Variants in CCDC30 observed in about 807,000 individuals in gnomAD.
CCDC30 encodes the protein coiled-coil domain-containing protein 30.
CCDC30 carries 70 observed loss-of-function variants against 100.2 expected under a neutral mutation model. That is an observed-to-expected ratio of 0.70 (90% CI 0.58 to 0.85). CCDC30 has a LOEUF of 0.85. Ranked by LOEUF, CCDC30 falls within the 40% of genes least tolerant of loss-of-function variation. CCDC30 has a pLI of 0.00. For missense variants in CCDC30, 652 were observed against 771.2 expected, an observed-to-expected ratio of 0.85 and a Z score of 1.83; for synonymous variants, 233 against 269.5, an observed-to-expected ratio of 0.86 and a Z score of 1.33.
chr1:42,459,466 TTTTAAACTAAACA>T, upstream of CCDC30: 1 of 810,904 alleles, frequency 1.2e-6, no homozygotes, highest in Non-Finnish European at 1.9e-6. Context: ...CCCTAAGACT[TTTTAAACTAAACA>T]TTTAACTGAA....
intron 6 of CCDC30, among the ~76,000 whole-genome samples, chr1:42,508,414 C>G (rs574284693): frequency 6.6e-6 from 1 of 152,312 alleles, no homozygotes; most frequent in African/African-American, 2.4e-5. Context: ...GGGTAGCCAA[C>G]AGCATGCTTC....
At chr1:42,535,480 A>G (rs1644877233) in intron 6 of CCDC30, among the ~76,000 whole-genome samples, 1 of 150,662 alleles carries the variant, frequency 6.6e-6, no homozygotes, top group Admixed American at 6.7e-5. Flanking sequence ...CCCAAGTTAC[A>G]AAATATAGAT....
intron 8 of CCDC30, among the ~76,000 whole-genome samples, chr1:42,579,547 C>T (rs4540692): frequency 0.25 from 38,504 of 151,524 alleles, 5,492 homozygotes; most frequent in South Asian, 0.42. Context: ...GGCAGGAGAA[C>T]TGTTTGAACC....
At chr1:42,456,643 C>T in the CCDC30 span, 2 of 1,578,252 alleles carry the variant, frequency 1.3e-6, no homozygotes, top group African/African-American at 2.7e-5. Context: ...TGGCTCGCTT[C>T]GCGGCCAGGC....
Position 42,500,092 on chromosome 1 carries a change from A to C in CCDC30, c.456+1176A>C, listed in dbSNP as rs58153010. 3.4e-3 allele frequency: 3,475 copies of C among 1,019,332 alleles called. 80 individuals are homozygous for C. In the African/African-American group the frequency reaches 0.05, roughly 15 times the overall value. 63.1% of individuals were successfully genotyped at this position (1,019,332 alleles called of 1,614,324 possible). ...TTGATGTGAAAGGGGCAGCACAGTC[A>C]TTTAAACTTGATCCAACCTCTTTGC... On this transcript the variant is annotated intron_variant, in intron 6 of 16. Coordinates refer to ENST00000668663, the Ensembl canonical transcript of CCDC30.
chr1:42,456,240 A>T, the CCDC30 span: 1 of 606,440 alleles, frequency 1.6e-6, no homozygotes, highest in Non-Finnish European at 2.9e-6. Flanking sequence ...ACTCCCAAGG[A>T]GTCCAAGTCC....
chr1:42,576,571 A>G (rs191676354), intron 7 of CCDC30, among the ~76,000 whole-genome samples: 189 of 152,356 alleles, frequency 1.2e-3, no homozygotes, highest in African/African-American at 4.3e-3. Flanking sequence ...TAATACTCAC[A>G]TGTTGGGTAG....
chr1:42,484,131 AAT>A (rs1491191334), intron 3 of CCDC30, among the ~76,000 whole-genome samples: 1,832 of 123,490 alleles, frequency 0.015, 29 homozygotes, highest in African/African-American at 0.061. Context: ...AACAAATAAT[AAT>A]AAAAAAAAGA....
intron 4 of CCDC30, chr1:42,492,067 TG>T: frequency 2.5e-6 from 1 of 393,008 alleles, no homozygotes; most frequent in South Asian, 2.9e-5. Flanking sequence ...ATGTGTTCCG[TG>T]GTCAAAAAAT....
chr1:42,526,910 C>T (rs1236170708), intron 6 of CCDC30, among the ~76,000 whole-genome samples: 2 of 152,136 alleles, frequency 1.3e-5, no homozygotes, highest in African/African-American at 4.8e-5. Flanking sequence ...TTAACTGTTC[C>T]CCCTAAAAAT....
At chr1:42,621,803 G>A (rs1055394544) in intron 11 of CCDC30, among the ~76,000 whole-genome samples, 3 of 151,766 alleles carry the variant, frequency 2.0e-5, no homozygotes, top group East Asian at 1.9e-4. Context: ...GAGCCACCGC[G>A]CCCGGCCTAA....
intron 12 of CCDC30, among the ~76,000 whole-genome samples, chr1:42,637,664 C>T (rs891287234): frequency 6.6e-6 from 1 of 152,200 alleles, no homozygotes; most frequent in Non-Finnish European, 1.5e-5. Context: ...CACTCCTGAG[C>T]ACAGACTTCC....
upstream of CCDC30, among the ~76,000 whole-genome samples, chr1:42,458,650 C>T (rs1643310594): frequency 6.6e-6 from 1 of 151,960 alleles, no homozygotes; most frequent in South Asian, 2.1e-4. Flanking sequence ...ACACTAACAG[C>T]TTTTTTTTAG....
chr1:42,532,753 A>G (rs1025639298), intron 6 of CCDC30, among the ~76,000 whole-genome samples: 1 of 152,012 alleles, frequency 6.6e-6, no homozygotes, highest in African/African-American at 2.4e-5. Flanking sequence ...AAGGAGGGTG[A>G]AAGTTTTTAT....
intron 6 of CCDC30, among the ~76,000 whole-genome samples, chr1:42,519,719 T>C (rs538521069): frequency 1.5e-4 from 22 of 151,222 alleles, no homozygotes; most frequent in East Asian, 1.9e-4. Context: ...GCCTGGCTAA[T>C]TTTTTTTGTA....
rs143091385 is a variant in CCDC30, at chr1:42,555,933, G to A, written c.457-10363G>A. ...TCCAGCTCCTGACATCAGGTGATCC[G>A]CCCATCTCGGCCTTCCAAAGTGCTG... On this transcript the variant is annotated intron_variant, in intron 6 of 16. Coordinates refer to ENST00000668663, the Ensembl canonical transcript of CCDC30. Among the ~76,000 whole-genome samples, 688 of 152,186 alleles carry A rather than the reference G, an allele frequency of 4.5e-3. 2 individuals carry two copies. Among genetic ancestry groups the A allele is most frequent in the Non-Finnish European group, 6.5e-3 (440 of 68,000 alleles).
At chr1:42,568,936 C>G (rs1401435720) in intron 7 of CCDC30, 19 of 141,676 alleles carry the variant, frequency 1.3e-4, no homozygotes, top group African/African-American at 5.0e-4. Context: ...GAGTGAGAAT[C>G]TGTCTCAAAA....
chr1:42,501,624 T>C (rs991393509), intron 6 of CCDC30, among the ~76,000 whole-genome samples: 3 of 152,220 alleles, frequency 2.0e-5, no homozygotes, highest in Non-Finnish European at 4.4e-5. Flanking sequence ...GATGTACAGA[T>C]GGGGTTTTGG....
chr1:42,516,469 A>G (rs1376440440), intron 6 of CCDC30, among the ~76,000 whole-genome samples: 3 of 149,856 alleles, frequency 2.0e-5, no homozygotes, highest in African/African-American at 7.4e-5. Context: ...CGGGAGGCTG[A>G]GGCAAGAGAA....
Sources: allele counts gnomAD v4.1 joint callset (sites outside exome capture counted in the v4.1 genomes callset), GRCh38; gene constraint gnomAD v4.1.1; transcripts MANE v1.5; gene names NCBI Gene and HGNC (gene_info 2026-07-23, HGNC 2026-07-21).